The following CNTNAP2 variants were observed in gnomAD, a reference collection of about 807,000 sequenced individuals.
The protein encoded by CNTNAP2 is contactin-associated protein-like 2.
CNTNAP2 carries 98 observed loss-of-function variants against 155.2 expected under a neutral mutation model. The observed-to-expected ratio is 0.63, with a 90% CI of 0.54 to 0.75. The LOEUF (loss-of-function observed/expected upper bound fraction) is 0.75, where lower values mean the gene tolerates loss of function less well. Among genes scored for constraint, CNTNAP2 ranks in the 30% least tolerant of loss-of-function variants. CNTNAP2 has a pLI of 0.00. For synonymous variants in CNTNAP2, 651 were observed against 631.2 expected, an observed-to-expected ratio of 1.03 and a Z score of -0.47; for missense variants, 1,727 against 1,688.1, an observed-to-expected ratio of 1.02 and a Z score of -0.40.
intron 23 of CNTNAP2, among the ~76,000 whole-genome samples, chr7:148,411,514 C>A (rs1585357254): frequency 6.6e-6 from 1 of 152,130 alleles, no homozygotes; most frequent in African/African-American, 2.4e-5. Context: ...GATCCACTCG[C>A]CTCAGCCTCC....
intron 15 of CNTNAP2, among the ~76,000 whole-genome samples, chr7:148,019,377 G>A (rs1006506): frequency 0.29 from 43,768 of 152,014 alleles, 6,504 homozygotes; most frequent in Middle Eastern, 0.35. Context: ...TGCTGCTTTC[G>A]CTTCTTGCCT....
chr7:147,613,929 T>C (rs747919072), intron 12 of CNTNAP2, among the ~76,000 whole-genome samples: 10 of 152,226 alleles, frequency 6.6e-5, no homozygotes, highest in African/African-American at 9.6e-5. Context: ...CTTGAATCCA[T>C]CTGGAACAAT....
chr7:146,215,629 T>G (rs1562993026), intron 1 of CNTNAP2, among the ~76,000 whole-genome samples: 1 of 128,500 alleles, frequency 7.8e-6, no homozygotes, highest in East Asian at 2.1e-4. Context: ...TATATATATA[T>G]TTTTTTACTT....
At chr7:147,358,382 T>C (rs1401068074) in intron 9 of CNTNAP2, among the ~76,000 whole-genome samples, 2 of 152,164 alleles carry the variant, frequency 1.3e-5, no homozygotes, top group African/African-American at 2.4e-5. Context: ...CCCATAAATT[T>C]CTCCTATGGA....
intron 11 of CNTNAP2, among the ~76,000 whole-genome samples, chr7:147,501,248 T>A (rs6973308): frequency 6.6e-6 from 1 of 150,732 alleles, no homozygotes; most frequent in Admixed American, 6.6e-5. Flanking sequence ...CAATAAAGGC[T>A]GTATGTGAGG....
chr7:147,715,796 A>G (rs1276598556), intron 13 of CNTNAP2, among the ~76,000 whole-genome samples: 1 of 151,742 alleles, frequency 6.6e-6, no homozygotes, highest in Non-Finnish European at 1.5e-5. Flanking sequence ...ATTTTCTCCT[A>G]TTTCTTTTTC....
chr7:146,534,896 T>C lies in CNTNAP2; in HGVS notation c.98-239375T>C, dbSNP rs536772219. Among the ~76,000 whole-genome samples, 43 of 149,420 alleles carry C rather than the reference T, an allele frequency of 2.9e-4. No individual in the cohort carries two copies. In the South Asian group the frequency reaches 3.2e-3, roughly 11 times the overall value. On this transcript the variant is annotated intron_variant, in intron 1 of 23. Coordinates refer to ENST00000361727, the MANE Select transcript of CNTNAP2 (RefSeq NM_014141.6). Reference sequence around the variant, plus strand: ...TTCTTCCATAGCTCATAAACAAAAATAGTATCACTTAATGATTAGGCATAA... The same window carrying C: ...TTCTTCCATAGCTCATAAACAAAAACAGTATCACTTAATGATTAGGCATAA...
At chr7:147,810,597 GT>G (rs1798163674) in intron 13 of CNTNAP2, among the ~76,000 whole-genome samples, 1 of 152,098 alleles carries the variant, frequency 6.6e-6, no homozygotes, top group African/African-American at 2.4e-5. Context: ...TTCAATACAG[GT>G]AGAAAGTTTA....
At chr7:146,136,295 C>A (rs1188604832) in intron 1 of CNTNAP2, among the ~76,000 whole-genome samples, 1 of 152,126 alleles carries the variant, frequency 6.6e-6, no homozygotes, top group Non-Finnish European at 1.5e-5. Context: ...GTTATCCTTT[C>A]ATAAATTATG....
chr7:146,600,818 G>A (rs1288701553), intron 1 of CNTNAP2, among the ~76,000 whole-genome samples: 1 of 152,108 alleles, frequency 6.6e-6, no homozygotes, highest in African/African-American at 2.4e-5. Flanking sequence ...TAGCTGGTCA[G>A]TAAATTTGCT....
At chr7:146,957,650 T>C (rs1324499064) in intron 3 of CNTNAP2, among the ~76,000 whole-genome samples, 3 of 152,142 alleles carry the variant, frequency 2.0e-5, no homozygotes, top group Admixed American at 2.0e-4. Flanking sequence ...GGGTAGACAG[T>C]GAAATACTGA....
intron 4 of CNTNAP2, among the ~76,000 whole-genome samples, chr7:147,062,673 G>T (rs1799705697): frequency 6.6e-6 from 1 of 152,066 alleles, no homozygotes; most frequent in African/African-American, 2.4e-5. Context: ...CTGGCTGAAG[G>T]TAAGGATTTA....
Position 147,065,477 on chromosome 7 carries a change from A to C in CNTNAP2, c.550+21423A>C, listed in dbSNP as rs186359294. The stretch of plus-strand genomic sequence containing the variant: ...GTACAATTTAAGATGATCTTTTCCA[A>C]CTCTCATATTTAAACACCAGGTAAA... On this transcript the variant is annotated intron_variant, in intron 4 of 23. Transcript: ENST00000361727. 1.3e-3 allele frequency among the ~76,000 whole-genome samples: 201 copies of C among 152,186 alleles called. 3 individuals are homozygous for C. The highest frequency in any genetic ancestry group is 4.3e-3 in the African/African-American group (178 of 41,520).
At chr7:146,907,903 C>A (rs1258415105) in intron 3 of CNTNAP2, among the ~76,000 whole-genome samples, 1 of 152,114 alleles carries the variant, frequency 6.6e-6, no homozygotes, top group Admixed American at 6.5e-5. Context: ...CTTCAGGAAA[C>A]CCATCTCACA....
chr7:148,217,917 G>T (rs1293228202), intron 19 of CNTNAP2, among the ~76,000 whole-genome samples: 3 of 152,224 alleles, frequency 2.0e-5, no homozygotes, highest in Non-Finnish European at 4.4e-5. Flanking sequence ...TTGAGCTCAA[G>T]AATTTGAGAC....
chr7:146,941,448 TAAC>T (rs1797054855), intron 3 of CNTNAP2, among the ~76,000 whole-genome samples: 1 of 152,192 alleles, frequency 6.6e-6, no homozygotes, highest in Non-Finnish European at 1.5e-5. Flanking sequence ...GGATAATCCT[TAAC>T]AAATTACTGT....
chr7:146,171,500 T>C lies in CNTNAP2; in HGVS notation c.97+54527T>C, dbSNP rs1055543120. Among the ~76,000 whole-genome samples, 5 of 152,168 alleles carry C rather than the reference T, an allele frequency of 3.3e-5. No individual in the cohort carries two copies. In the East Asian group the frequency reaches 7.7e-4, roughly 23 times the overall value. ...CTATTTGTCATATTTTAAATCTCACTTAATTATAATCATTATAGGTTCAAG... is the reference window on the plus strand; with the variant it reads ...CTATTTGTCATATTTTAAATCTCACCTAATTATAATCATTATAGGTTCAAG... On this transcript the variant is annotated intron_variant, in intron 1 of 23. Coordinates refer to ENST00000361727, the MANE Select transcript of CNTNAP2 (RefSeq NM_014141.6).
intron 9 of CNTNAP2, among the ~76,000 whole-genome samples, chr7:147,387,764 C>T (rs1796647291): frequency 6.6e-6 from 1 of 151,802 alleles, no homozygotes; most frequent in Non-Finnish European, 1.5e-5. Flanking sequence ...CTGTATTTAC[C>T]CTATTGTGCT....
At chr7:146,921,969 A>AACATCC (rs1421570158) in intron 3 of CNTNAP2, among the ~76,000 whole-genome samples, 2 of 152,076 alleles carry the variant, frequency 1.3e-5, no homozygotes, top group Non-Finnish European at 2.9e-5. Context: ...AGTAAAGAAA[A>AACATCC]ACATCCGTTG....
Sources: gnomAD v4.1 joint callset for allele counts (sites outside exome capture counted in the v4.1 genomes callset) on GRCh38, gnomAD v4.1.1 for gene constraint, MANE v1.5 for transcripts, NCBI Gene and HGNC (gene_info 2026-07-23, HGNC 2026-07-21) for gene names.